The following PCDH15 variants were observed in gnomAD, a reference collection of about 807,000 sequenced individuals.
PCDH15 encodes protocadherin related 15, also known as protocadherin-15.
A neutral mutation model predicts 178.5 loss-of-function variants in PCDH15; 129 were observed. The observed-to-expected ratio is 0.72, with a 90% CI of 0.63 to 0.84. The LOEUF is 0.84. PCDH15 is among the 40% of genes least tolerant of loss of function. PCDH15 has a pLI of 0.00. For missense variants in PCDH15, 2,230 were observed against 2,099.9 expected, an observed-to-expected ratio of 1.06 and a Z score of -1.21; for synonymous variants, 800 against 732.0, an observed-to-expected ratio of 1.09 and a Z score of -1.50.
intron 2 of PCDH15, among the ~76,000 whole-genome samples, chr10:55,129,328 G>A (rs78881331): frequency 0.01 from 1,570 of 152,164 alleles, 75 homozygotes; most frequent in East Asian, 0.044. Flanking sequence ...CTAAAATTAG[G>A]TCACAAAAGA....
At chr10:55,097,011 G>A (rs10509023) in intron 2 of PCDH15, among the ~76,000 whole-genome samples, 6,158 of 152,076 alleles carry the variant, frequency 0.04, 300 homozygotes, top group East Asian at 0.14. Flanking sequence ...TCTCATTACA[G>A]TTTCCCTAAT....
intron 2 of PCDH15, among the ~76,000 whole-genome samples, chr10:55,578,711 C>A (rs960147079): frequency 8.4e-4 from 128 of 152,240 alleles, no homozygotes; most frequent in African/African-American, 2.7e-3. Flanking sequence ...AATTGACTCA[C>A]AATTCCACAT....
intron 2 of PCDH15, among the ~76,000 whole-genome samples, chr10:54,588,540 T>G (rs1284703367): frequency 2.6e-5 from 4 of 152,170 alleles, no homozygotes; most frequent in African/African-American, 9.7e-5. Context: ...TATATAGTTA[T>G]GTCTGTAAGA....
chr10:54,679,020 T>C (rs995056237), intron 1 of PCDH15, among the ~76,000 whole-genome samples: 2 of 151,150 alleles, frequency 1.3e-5, no homozygotes, highest in East Asian at 3.9e-4. Context: ...GAAACCCCGT[T>C]TCTACTAAAA....
At chr10:54,124,153 TAAATA>T (rs2041796946) in intron 15 of PCDH15, among the ~76,000 whole-genome samples, 1 of 151,878 alleles carries the variant, frequency 6.6e-6, no homozygotes, top group African/African-American at 2.4e-5. Context: ...CCTTTGAATC[TAAATA>T]AAAACGGAAA....
At chr10:54,769,017 GC>G (rs1948806705) in intron 1 of PCDH15, among the ~76,000 whole-genome samples, 1 of 152,110 alleles carries the variant, frequency 6.6e-6, no homozygotes, top group African/African-American at 2.4e-5. Flanking sequence ...GATTATCTGA[GC>G]CTGCAGAAAT....
intron 2 of PCDH15, among the ~76,000 whole-genome samples, chr10:55,538,980 C>T (rs1324625750): frequency 1.2e-5 from 1 of 86,556 alleles, no homozygotes; most frequent in African/African-American, 5.9e-5. Context: ...TCCTCCTTTC[C>T]TTCCTTCCTT....
At chr10:54,941,327 C>T (rs1259974117) in intron 2 of PCDH15, among the ~76,000 whole-genome samples, 1 of 152,028 alleles carries the variant, frequency 6.6e-6, no homozygotes, top group Non-Finnish European at 1.5e-5. Context: ...CAATTTTATA[C>T]ATATTACATT....
At chr10:53,893,091 G>T (rs1351782475) in intron 26 of PCDH15, among the ~76,000 whole-genome samples, 3 of 151,928 alleles carry the variant, frequency 2.0e-5, no homozygotes, top group Non-Finnish European at 4.4e-5. Flanking sequence ...TCAAATATTT[G>T]ACTTTGAGTG....
At chr10:54,823,363 G>A (rs970279068) in intron 3 of PCDH15, among the ~76,000 whole-genome samples, 1 of 152,046 alleles carries the variant, frequency 6.6e-6, no homozygotes, top group Admixed American at 6.6e-5. Flanking sequence ...TTCCCTCCAA[G>A]AGATAACATT....
intron 9 of PCDH15, among the ~76,000 whole-genome samples, chr10:54,221,147 T>C (rs2052762509): frequency 6.6e-6 from 1 of 152,132 alleles, no homozygotes; most frequent in African/African-American, 2.4e-5. Flanking sequence ...ATAACTATGT[T>C]TATTATCACA....
intron 26 of PCDH15, among the ~76,000 whole-genome samples, chr10:53,887,641 C>A (rs1011820043): frequency 6.6e-6 from 1 of 152,182 alleles, no homozygotes; most frequent in African/African-American, 2.4e-5. Flanking sequence ...GTAATCCCAG[C>A]ACTTTGGGAG....
chr10:54,065,434 T>C (rs1384494575), intron 18 of PCDH15, among the ~76,000 whole-genome samples: 2 of 152,158 alleles, frequency 1.3e-5, no homozygotes, highest in Non-Finnish European at 2.9e-5. Context: ...TATTTATACA[T>C]GAATATTTTG....
At chr10:54,621,028 T>C (rs2093334587) in intron 2 of PCDH15, among the ~76,000 whole-genome samples, 1 of 152,066 alleles carries the variant, frequency 6.6e-6, no homozygotes. Context: ...CAAGCTTAAG[T>C]ATATTCTGTT....
intron 17 of PCDH15, among the ~76,000 whole-genome samples, chr10:54,077,911 A>G (rs2094369892): frequency 6.6e-6 from 1 of 152,124 alleles, no homozygotes; most frequent in Admixed American, 6.5e-5. Context: ...AAAAATACAA[A>G]AATTAGCCAG....
rs549648746 is a variant in PCDH15, at chr10:54,325,431, C to G, written c.705+4165G>C. On this transcript the variant is annotated intron_variant, in intron 7 of 37. Transcript: ENST00000644397. ...ATTGGTGCTTAATGTACATGACTTA[C>G]ATTGTGCATACCACCAACACAATAT... Among the ~76,000 whole-genome samples, 3 of 152,144 alleles carry G rather than the reference C, an allele frequency of 2.0e-5. No homozygotes were observed. In the South Asian group the frequency reaches 6.2e-4, roughly 32 times the overall value.
At chr10:54,453,840 C>A (rs1027071091) in intron 3 of PCDH15, among the ~76,000 whole-genome samples, 3 of 151,796 alleles carry the variant, frequency 2.0e-5, no homozygotes, top group Non-Finnish European at 4.4e-5. Context: ...TTCCCTAGAG[C>A]CCTCAGAGGA....
At chr10:54,161,398 G>A (rs984289805) in intron 13 of PCDH15, among the ~76,000 whole-genome samples, 5 of 152,132 alleles carry the variant, frequency 3.3e-5, no homozygotes, top group African/African-American at 9.7e-5. Context: ...AGCTGAAAAT[G>A]GGAGTGAGCA....
intron 18 of PCDH15, among the ~76,000 whole-genome samples, chr10:54,060,411 T>C (rs749997697): frequency 4.6e-5 from 7 of 152,192 alleles, no homozygotes; most frequent in Non-Finnish European, 7.3e-5. Context: ...GTTCATAGTG[T>C]TGTAAAAAAT....
Sources: gnomAD v4.1 joint callset for allele counts (sites outside exome capture counted in the v4.1 genomes callset) on GRCh38, gnomAD v4.1.1 for gene constraint, MANE v1.5 for transcripts, NCBI Gene and HGNC (gene_info 2026-07-23, HGNC 2026-07-21) for gene names.